ADGRB2: variants seen among roughly 807,000 people sequenced by gnomAD.
The protein encoded by ADGRB2 is brain-specific angiogenesis inhibitor 2.
In ADGRB2, 47 loss-of-function variants were observed where a neutral mutation model predicts 178.7. The ratio of observed to expected loss-of-function variants is 0.26; its 90% CI spans 0.21 to 0.34. ADGRB2 has a LOEUF of 0.34. ADGRB2 is among the 10% of genes least tolerant of loss of function. ADGRB2 has a pLI of 1.00. For synonymous variants in ADGRB2, 870 were observed against 912.4 expected (o/e 0.95, Z 0.84); for missense variants, 1,584 against 2,180.8 (o/e 0.73, Z 5.45).
Position 31,763,959 on chromosome 1 carries a change from A to G in ADGRB2, c.-266T>C. On this transcript the variant is annotated 5_prime_UTR_variant, in exon 1 of 33. Coordinates refer to ENST00000373658, the MANE Select transcript of ADGRB2 (RefSeq NM_001364857.2). Reference sequence around the variant, plus strand: ...ACGGGGCGCAAGTTTGCCATCCCTAAGTCGGGGACCGGGCCGGGCGCAGGG... The same window carrying G: ...ACGGGGCGCAAGTTTGCCATCCCTAGGTCGGGGACCGGGCCGGGCGCAGGG... The G allele has an allele frequency of 1.0e-6, 1 of 984,196 alleles. No individual in the cohort carries two copies. The highest frequency in any genetic ancestry group is 1.2e-6 in the Non-Finnish European group (1 of 829,676). 61.0% of individuals were successfully genotyped at this position (984,196 alleles called of 1,614,324 possible). A position where few individuals can be genotyped will look rare whatever the true frequency, so the allele number is the denominator to read the frequency against.
At chr1:31,732,237 A>G in intron 27 of ADGRB2, 83 bp from the exon 28 acceptor site, 1 of 1,576,472 alleles carries the variant, frequency 6.3e-7, no homozygotes, top group Non-Finnish European at 8.7e-7. Context: ...CTCCCCAGCC[A>G]GCTTTGCCCA....
Position 31,730,949 on chromosome 1 carries a change from C to T in ADGRB2, c.4231G>A (p.Ala1411Thr). Reference sequence around the variant, plus strand: ...TAGGGATTCTGGAGAGATCCATAGGCAGGGCCCAGCCCCAGGCCCGAGTGG... The same window carrying T: ...TAGGGATTCTGGAGAGATCCATAGGTAGGGCCCAGCCCCAGGCCCGAGTGG... ...VDHSGLGLGP[A>T]YGSLQNPYGM... is the part of the protein sequence containing the mutation. The change falls in exon 29 of 33, where the codon GCC becomes ACC. Residue 1411 changes from alanine to threonine, a missense_variant. Around this residue, in one of 3 missense-constraint regions of ADGRB2, gnomAD observed 865 missense variants for 1,192.8 expected, o/e 0.73. Transcript: ENST00000373658. 6.4e-7 allele frequency: 1 copy of T among 1,570,712 alleles called. No homozygotes were observed.
At chr1:31,763,655 G>A (rs567159599) in intron 1 of ADGRB2, among the ~76,000 whole-genome samples, 2 of 149,660 alleles carry the variant, frequency 1.3e-5, no homozygotes, top group South Asian at 2.2e-4. Context: ...GGAGGGGGGG[G>A]GCCGAGATTA....
chr1:31,737,611 C>G, intron 19 of ADGRB2, 41 bp downstream of exon 19: 1 of 1,609,320 alleles, frequency 6.2e-7, no homozygotes, highest in African/African-American at 1.3e-5. Context: ...TCTGCGCCTG[C>G]CCCCCCTCCC....
At position 31,734,766 on chromosome 1, in the gene ADGRB2, G is replaced by A. The variant is rs545484424; in HGVS notation, c.3452+417C>T. ...TCTCAGATTCTATGACAGATGATAA[G>A]ACTGGATGATTCACTCATTCTAACA... On this transcript the variant is annotated intron_variant, in intron 25 of 32. Coordinates refer to ENST00000373658, the MANE Select transcript of ADGRB2 (RefSeq NM_001364857.2). Among the ~76,000 whole-genome samples the A allele has an allele frequency of 3.3e-5, 5 of 152,334 alleles. No homozygotes were observed. The South Asian group carries it at 1.0e-3, about 32-fold the overall frequency.
rs1645914443 is a variant in ADGRB2 at position 31,740,895 on chromosome 1, G to GCACAAACA, written c.1795-355_1795-354insTGTTTGTG. Among the ~76,000 whole-genome samples, 2 of 140,482 alleles carry GCACAAACA rather than the reference G, an allele frequency of 1.4e-5. No homozygotes were observed. Among genetic ancestry groups the GCACAAACA allele is most frequent in the South Asian group, 4.7e-4 (2 of 4,232 alleles). 92.2% of individuals were successfully genotyped at this position (140,482 alleles called of 152,430 possible). A position where few individuals can be genotyped will look rare whatever the true frequency, so the allele number is the denominator to read the frequency against. ...AATGAGCATGTGTGTGGGCGCGCGC[G>GCACAAACA]CACACACACACACACACACACACAC... On this transcript the variant is annotated intron_variant, in intron 11 of 32. Transcript: ENST00000373658. This position sits in a 1 kb window ranked among gnomAD's most constrained non-coding sequence, Gnocchi z 5.9.
Position 31,756,329 on chromosome 1 carries a change from G to C in ADGRB2, c.508C>G (p.Pro170Ala), listed in dbSNP as rs765396074. 1.2e-6 allele frequency: 2 copies of C among 1,612,810 alleles called. No homozygotes were observed. The highest frequency in any genetic ancestry group is 2.2e-5 in the South Asian group (2 of 91,088). Residue 170 changes from proline to alanine, a missense_variant, in exon 4 of 33, where the codon CCG becomes GCG. Coordinates refer to ENST00000373658, the MANE Select transcript of ADGRB2 (RefSeq NM_001364857.2). This position sits in a 1 kb window ranked among gnomAD's most constrained non-coding sequence, Gnocchi z 8.5. ...AGGGCAGCGGGCGCCAGCAGGCGCGGGGCCTCGGAGGGCTCAGCCGACAGG... is the reference window on the plus strand; with the variant it reads ...AGGGCAGCGGGCGCCAGCAGGCGCGCGGCCTCGGAGGGCTCAGCCGACAGG... The part of the protein sequence containing the change: ...LCLSAEPSEA[P>A]RLLAPAALAF...
In ADGRB2 at chr1:31,756,623, G is replaced by C; in HGVS notation, c.214C>G (p.Pro72Ala). ...ASGCSWTLEN[P>A]DPTKYSLYLR... ...TAGAGGGAGTACTTGGTGGGGTCAG[G>C]GTTCTCCAGGGTCCAGGAGCAGCCC... is the stretch of plus-strand genomic sequence containing the variant. Residue 72 changes from proline to alanine, a missense_variant, in exon 4 of 33, where the codon CCT becomes GCT. Pro to Ala is a conservative substitution (Grantham distance 27). This residue lies in a region of ADGRB2 where 657 missense variants were observed against 847.6 expected (regional missense o/e 0.78). Transcript: ENST00000373658. The surrounding 1 kb of genome is among the most constrained non-coding windows in gnomAD (Gnocchi z 8.5). 6.2e-7 allele frequency: 1 copy of C among 1,607,458 alleles called. No individual in the cohort carries two copies. The highest frequency in any genetic ancestry group is 8.5e-7 in the Non-Finnish European group (1 of 1,176,400).
In ADGRB2 at chr1:31,738,875, G is replaced by A. The variant is rs112847200; in HGVS notation, c.2558C>T (p.Pro853Leu). 5.0e-3 allele frequency: 7,995 copies of A among 1,613,990 alleles called. 45 individuals carry two copies. Among genetic ancestry groups the A allele is most frequent in the East Asian group, 0.022 (1,005 of 44,882 alleles). Residue 853 changes from proline to leucine, a missense_variant, in exon 16 of 33, where the codon CCA (proline) becomes CTA (leucine). Coordinates refer to ENST00000373658, the MANE Select transcript of ADGRB2 (RefSeq NM_001364857.2). ...TVTVRPPTQP[P>L]AEPLITVELS... is the part of the protein sequence containing the mutation. ...CTCCACAGTGATGAGGGGCTCAGCT[G>A]GAGGCTGGGTAGGGGGGCGCACAGT...
At position 31,732,563 on chromosome 1, in the gene ADGRB2, C is replaced by T; in HGVS notation, c.3674G>A (p.Ser1225Asn). 2 of 1,614,182 alleles carry T rather than the reference C, an allele frequency of 1.2e-6. No individual in the cohort carries two copies. The highest frequency in any genetic ancestry group is 1.1e-5 in the South Asian group (1 of 91,090). Residue 1225 changes from serine to asparagine, a missense_variant, in exon 27 of 33, where the codon AGC becomes AAC. Transcript: ENST00000373658. ...CTTACACGAGTCAGGGGAGTCTTCG[C>T]TCTCATCAGCCCGGCACACCCCCAT... ...CQMGVCRADE[S>N]EDSPDSCKNG...
chr1:31,742,354 GGA>G, intron 7 of ADGRB2, 137 bp from the exon 8 acceptor site: 1 of 1,247,474 alleles, frequency 8.0e-7, no homozygotes, highest in Non-Finnish European at 1.1e-6. Context: ...AGTGGGGAGG[GGA>G]GGGGGTTATG....
At chr1:31,732,002 G>A (rs1299026555) in intron 28 of ADGRB2, 113 bp downstream of exon 28, 35 of 1,415,886 alleles carry the variant, frequency 2.5e-5, no homozygotes, top group South Asian at 7.3e-5. Flanking sequence ...GTCTAACTTC[G>A]AAGCTGGACT....
rs577762210 is a variant in ADGRB2 at position 31,731,598 on chromosome 1, G to A, written c.3761-179C>T. 6.6e-5 allele frequency among the ~76,000 whole-genome samples: 10 copies of A among 152,200 alleles called. No individual in the cohort carries two copies. In the South Asian group the frequency reaches 1.9e-3, roughly 28 times the overall value. Reference sequence around the variant, plus strand: ...ATATAAGAGGGGTTAAGAAGACAACGGCTCCAAAGTCCCCACATTGAGACA... The same window carrying A: ...ATATAAGAGGGGTTAAGAAGACAACAGCTCCAAAGTCCCCACATTGAGACA... On this transcript the variant is annotated intron_variant, in intron 28 of 32. Transcript: ENST00000373658.
chr1:31,733,325 C>T lies in ADGRB2; in HGVS notation c.3453-182G>A, dbSNP rs567775245. 2.0e-5 allele frequency among the ~76,000 whole-genome samples: 3 copies of T among 152,272 alleles called. No homozygotes were observed. Among genetic ancestry groups the T allele is most frequent in the Admixed American group, 1.3e-4 (2 of 15,308 alleles). ...AGGAGCCAGAGCCAGAGAAACAGAA[C>T]AGAGACCGAAAGCAGCGAACTACGG... On this transcript the variant is annotated intron_variant, in intron 25 of 32. Transcript: ENST00000373658. This position sits in a 1 kb window ranked among gnomAD's most constrained non-coding sequence, Gnocchi z 4.3.
rs1645259618 is a variant in ADGRB2, at chr1:31,731,101, C to T, written c.4079G>A (p.Ser1360Asn). 1.3e-6 allele frequency: 2 copies of T among 1,577,742 alleles called. No individual in the cohort carries two copies. Among genetic ancestry groups the T allele is most frequent in the Non-Finnish European group, 1.7e-6 (2 of 1,162,246 alleles). Residue 1360 changes from serine to asparagine, a missense_variant, in exon 29 of 33, where the codon AGC becomes AAC. Around this residue, in one of 3 missense-constraint regions of ADGRB2, gnomAD observed 865 missense variants for 1,192.8 expected, o/e 0.73. Coordinates refer to ENST00000373658, the MANE Select transcript of ADGRB2 (RefSeq NM_001364857.2). ...TCCACCCCCACCGCCAGGCTGCAGGCTCAAAGTCCGCCGGGGCAGCACCAT... is the reference window on the plus strand; with the variant it reads ...TCCACCCCCACCGCCAGGCTGCAGGTTCAAAGTCCGCCGGGGCAGCACCAT... ...DYMVLPRRTL[S>N]LQPGGGGGGG...
chr1:31,737,663 G>A lies in ADGRB2; in HGVS notation c.2865C>T (p.Ala955=), dbSNP rs780438738. 8.7e-6 allele frequency: 14 copies of A among 1,613,784 alleles called. No individual in the cohort carries two copies. The highest frequency in any genetic ancestry group is 4.5e-5 in the East Asian group (2 of 44,870). ...GGTGTCAGACCTACCTCCAAAAGGC[G>A]GCATAGATGGCGAGCAGGGTGAGCA... ...MALLTLLAIY[A]AFWRFIKSER... is the part of the protein sequence containing the mutation. The change falls in exon 19 of 33, where the codon GCC becomes GCT. Residue 955 remains alanine (A), a synonymous_variant. Coordinates refer to ENST00000373658, the MANE Select transcript of ADGRB2 (RefSeq NM_001364857.2).
rs549761720 is a variant in ADGRB2 at position 31,759,788 on chromosome 1, C to T, written c.-190-2277G>A. Among the ~76,000 whole-genome samples, 2 of 152,218 alleles carry T rather than the reference C, an allele frequency of 1.3e-5. No individual in the cohort carries two copies. Among genetic ancestry groups the T allele is most frequent in the Non-Finnish European group, 2.9e-5 (2 of 68,036 alleles). ...AGCCAGGCCTGTCCTCCTGGGGGCA[C>T]TGATGACCCAGAGGCCTCTCCCTGA... On this transcript the variant is annotated intron_variant, in intron 1 of 32. Coordinates refer to ENST00000373658, the MANE Select transcript of ADGRB2 (RefSeq NM_001364857.2). The surrounding 1 kb of genome is among the most constrained non-coding windows in gnomAD (Gnocchi z 4.3).
chr1:31,730,229 C>T (rs994500911), intron 29 of ADGRB2, among the ~76,000 whole-genome samples: 1 of 152,158 alleles, frequency 6.6e-6, no homozygotes, highest in Non-Finnish European at 1.5e-5. Flanking sequence ...TGCTTTTCTC[C>T]GGAAGAGAGG....
intron 21 of ADGRB2, 61 bp from the exon 22 acceptor site, chr1:31,736,451 C>T: frequency 6.2e-7 from 1 of 1,607,364 alleles, no homozygotes. Context: ...CCTTGTTCTC[C>T]CAGACTCCCA....
Sources: allele counts gnomAD v4.1 joint callset (sites outside exome capture counted in the v4.1 genomes callset), GRCh38; gene constraint gnomAD v4.1.1; regional missense constraint gnomAD v4.1.1; non-coding constraint Gnocchi (gnomAD v3.1); transcripts MANE v1.5; gene names NCBI Gene and HGNC (gene_info 2026-07-23, HGNC 2026-07-21).